Variants in FIGN observed in about 807,000 individuals in gnomAD.
The protein encoded by FIGN is fidgetin, microtubule severing factor.
FIGN carries 11 observed loss-of-function variants against 51.3 expected under a neutral mutation model. The ratio of observed to expected loss-of-function variants is 0.21; its 90% CI spans 0.13 to 0.35. The LOEUF is 0.35. Among genes scored for constraint, FIGN ranks in the 10% least tolerant of loss-of-function variants. The pLI, the probability that FIGN is intolerant of heterozygous loss-of-function variation, is 1.00. For synonymous variants in FIGN, 407 were observed against 363.2 expected, an observed-to-expected ratio of 1.12 and a Z score of -1.37; for missense variants, 857 against 943.6, an observed-to-expected ratio of 0.91 and a Z score of 1.20.
At chr2:163,705,504 G>A (rs1311070519) in intron 2 of FIGN, among the ~76,000 whole-genome samples, 2 of 151,980 alleles carry the variant, frequency 1.3e-5, no homozygotes, top group African/African-American at 2.4e-5. Flanking sequence ...GACAATGGCA[G>A]AACTAAATTC....
chr2:163,734,963 C>A lies in FIGN; in HGVS notation c.-36G>T. 4 of 1,609,954 alleles carry A rather than the reference C, an allele frequency of 2.5e-6. No homozygotes were observed. The highest frequency in any genetic ancestry group is 3.4e-6 in the Non-Finnish European group (4 of 1,178,352). ...CAGCACAAAAAGCTGAATTGGATTT[C>A]TCACAAGCAGGAATTCCAAAGGTTG... is the stretch of plus-strand genomic sequence containing the variant. On this transcript the variant is annotated 5_prime_UTR_variant, in exon 2 of 3. Coordinates refer to ENST00000333129, the MANE Select transcript of FIGN (RefSeq NM_018086.4).
intron 2 of FIGN, among the ~76,000 whole-genome samples, chr2:163,725,473 G>A (rs965493335): frequency 6.6e-6 from 1 of 152,076 alleles, no homozygotes; most frequent in South Asian, 2.1e-4. Flanking sequence ...GTATACATGT[G>A]CATTCCAATC....
chr2:163,664,047 T>A (rs1394405860), intron 2 of FIGN, among the ~76,000 whole-genome samples: 1 of 152,170 alleles, frequency 6.6e-6, no homozygotes, highest in Non-Finnish European at 1.5e-5. Context: ...AGTGGCTCTA[T>A]ACTCATCCTG....
intron 2 of FIGN, among the ~76,000 whole-genome samples, chr2:163,618,270 AAAAT>A (rs1344983737): frequency 6.6e-6 from 1 of 152,202 alleles, no homozygotes; most frequent in Non-Finnish European, 1.5e-5. Flanking sequence ...CTGCAGTTTC[AAAAT>A]AAGATATTCT....
chr2:163,641,899 A>G (rs2105316801), intron 2 of FIGN, among the ~76,000 whole-genome samples: 1 of 152,354 alleles, frequency 6.6e-6, no homozygotes, highest in Non-Finnish European at 1.5e-5. Flanking sequence ...TTGCATTTAT[A>G]GAATCTACGC....
chr2:163,700,692 T>G (rs1413219618), intron 2 of FIGN, among the ~76,000 whole-genome samples: 1 of 152,152 alleles, frequency 6.6e-6, no homozygotes, highest in Non-Finnish European at 1.5e-5. Flanking sequence ...CACTGTGGTA[T>G]GTGAAGATGT....
At chr2:163,671,557 C>T (rs774527356) in intron 2 of FIGN, among the ~76,000 whole-genome samples, 3 of 152,140 alleles carry the variant, frequency 2.0e-5, no homozygotes, top group Non-Finnish European at 4.4e-5. Flanking sequence ...TGTGATCAGT[C>T]AACATATTAA....
At chr2:163,637,686 T>A (rs557969212) in intron 2 of FIGN, among the ~76,000 whole-genome samples, 1 of 152,238 alleles carries the variant, frequency 6.6e-6, no homozygotes, top group African/African-American at 2.4e-5. Flanking sequence ...TTTTTGCTAT[T>A]AGAATGTGAA....
chr2:163,698,507 CA>C (rs1480586561), intron 2 of FIGN, among the ~76,000 whole-genome samples: 2 of 152,086 alleles, frequency 1.3e-5, no homozygotes, highest in Non-Finnish European at 2.9e-5. Context: ...AGATTCCCCC[CA>C]CCCTACAAAA....
At chr2:163,659,128 AAAAG>A (rs1432290569) in intron 2 of FIGN, among the ~76,000 whole-genome samples, 1 of 152,220 alleles carries the variant, frequency 6.6e-6, no homozygotes, top group Non-Finnish European at 1.5e-5. Context: ...AAATTCTAAA[AAAAG>A]AAAGAATGAT....
chr2:163,664,596 C>T (rs1396739841), intron 2 of FIGN, among the ~76,000 whole-genome samples: 3 of 152,166 alleles, frequency 2.0e-5, no homozygotes, highest in African/African-American at 7.2e-5. Context: ...CATTTCTTTT[C>T]CTGTTCTCCT....
chr2:163,646,295 G>A (rs1190776434), intron 2 of FIGN, among the ~76,000 whole-genome samples: 3 of 152,010 alleles, frequency 2.0e-5, no homozygotes, highest in African/African-American at 7.3e-5. Context: ...TTACTCAAGA[G>A]TTGTAATGTG....
rs1285541341 is a variant in FIGN, at chr2:163,609,401, C to A, written c.*151G>T. 1.0e-5 allele frequency: 7 copies of A among 678,876 alleles called. No individual in the cohort carries two copies. The highest frequency in any genetic ancestry group is 3.0e-5 in the Admixed American group (1 of 33,280). The allele number at this position is 678,876 out of a possible 1,614,324, so 42.1% of individuals were successfully genotyped here. A position where few individuals can be genotyped will look rare whatever the true frequency, so the allele number is the denominator to read the frequency against. ...CATTTGATGCACTTTTCCTCCAAAT[C>A]TACCCTGACTCTAAAGATGCAACTT... On this transcript the variant is annotated 3_prime_UTR_variant, in exon 3 of 3. Transcript: ENST00000333129.
chr2:163,633,634 A>G (rs1380303822), intron 2 of FIGN, among the ~76,000 whole-genome samples: 1 of 152,204 alleles, frequency 6.6e-6, no homozygotes, highest in Non-Finnish European at 1.5e-5. Flanking sequence ...GAACAGAACT[A>G]GATTTGGTAT....
At position 163,735,407 on chromosome 2, in the gene FIGN, A is replaced by C. The variant is rs186002937; in HGVS notation, c.-145-335T>G. 3.2e-4 allele frequency among the ~76,000 whole-genome samples: 48 copies of C among 152,214 alleles called. No individual in the cohort carries two copies. The Middle Eastern group carries it at 0.017, about 54-fold the overall frequency. ...AGCCACGAGATTGTAATTTAACCTCAACTTTTTGTGTGTGTGCAAGATTCT... is the reference window on the plus strand; with the variant it reads ...AGCCACGAGATTGTAATTTAACCTCCACTTTTTGTGTGTGTGCAAGATTCT... On this transcript the variant is annotated intron_variant, in intron 1 of 2. Transcript: ENST00000333129.
At chr2:163,696,546 A>T (rs1362145531) in intron 2 of FIGN, among the ~76,000 whole-genome samples, 1 of 152,122 alleles carries the variant, frequency 6.6e-6, no homozygotes, top group African/African-American at 2.4e-5. Context: ...GAGATTCAAC[A>T]TTAATTTTGA....
chr2:163,670,344 A>C (rs553954687), intron 2 of FIGN, among the ~76,000 whole-genome samples: 24 of 152,326 alleles, frequency 1.6e-4, no homozygotes, highest in Admixed American at 9.8e-4. Context: ...AACCCCCCAC[A>C]ACAAAGAAAC....
At chr2:163,694,004 C>T (rs1244842699) in intron 2 of FIGN, among the ~76,000 whole-genome samples, 2 of 152,198 alleles carry the variant, frequency 1.3e-5, no homozygotes, top group Non-Finnish European at 2.9e-5. Context: ...GTCTTTCTCT[C>T]TTTTCAGCTT....
rs1396597325 is a variant in FIGN at position 163,602,622 on chromosome 2, CAG to C, written c.*6928_*6929del. ...AAATCAAACTGCAATTTTTTTAACT[CAG>C]AATTTTTTTTTATTTGAGGTATGCT... On this transcript the variant is annotated 3_prime_UTR_variant, in exon 3 of 3. Coordinates refer to ENST00000333129, the MANE Select transcript of FIGN (RefSeq NM_018086.4). 1.3e-5 allele frequency: 2 copies of C among 151,972 alleles called. No homozygotes were observed. The highest frequency in any genetic ancestry group is 6.6e-5 in the Admixed American group (1 of 15,228). The allele number at this position is 151,972 out of a possible 1,614,324, so 9.4% of individuals were successfully genotyped here. A position where few individuals can be genotyped will look rare whatever the true frequency, so the allele number is the denominator to read the frequency against.
Sources: gnomAD v4.1 joint callset for allele counts (sites outside exome capture counted in the v4.1 genomes callset) on GRCh38, gnomAD v4.1.1 for gene constraint, MANE v1.5 for transcripts, NCBI Gene and HGNC (gene_info 2026-07-23, HGNC 2026-07-21) for gene names.